Variants in NSUN6 observed in about 807,000 individuals in gnomAD.
The protein encoded by NSUN6 is NOP2/Sun RNA methyltransferase 6, also known as tRNA (cytosine(72)-C(5))-methyltransferase NSUN6.
Under a neutral mutation model 58.0 loss-of-function variants are expected in NSUN6, and 64 were observed. The observed-to-expected ratio is 1.10, with a 90% CI of 0.90 to 1.36. The LOEUF (loss-of-function observed/expected upper bound fraction) is 1.36, where lower values mean the gene tolerates loss of function less well. Ranked by LOEUF, NSUN6 falls within the 40% of genes most tolerant of loss-of-function variation. The pLI, the probability that NSUN6 is intolerant of heterozygous loss-of-function variation, is 0.00. For synonymous variants in NSUN6, 231 were observed against 193.9 expected (o/e 1.19, Z -1.59); for missense variants, 701 against 550.1 (o/e 1.27, Z -2.74).
chr10:18,608,285 C>CA (rs1476946372), intron 6 of NSUN6, among the ~76,000 whole-genome samples: 1 of 151,548 alleles, frequency 6.6e-6, no homozygotes, highest in Non-Finnish European at 1.5e-5. Context: ...CTATAGATAG[C>CA]AAAAAAGTGT....
intron 3 of NSUN6, among the ~76,000 whole-genome samples, chr10:18,626,659 T>G (rs959223552): frequency 6.6e-6 from 1 of 152,044 alleles, no homozygotes; most frequent in African/African-American, 2.4e-5. Flanking sequence ...TTCCATATAC[T>G]CAGGAGGCTG....
chr10:18,628,944 C>G (rs897469220), intron 3 of NSUN6, among the ~76,000 whole-genome samples: 13 of 152,068 alleles, frequency 8.5e-5, no homozygotes, highest in African/African-American at 3.1e-4. Flanking sequence ...CTCCAAGACA[C>G]ATAATTGTCA....
chr10:18,586,897 T>C (rs949861729), intron 7 of NSUN6, among the ~76,000 whole-genome samples: 9 of 152,130 alleles, frequency 5.9e-5, no homozygotes, highest in African/African-American at 1.9e-4. Flanking sequence ...GATTGGTGCA[T>C]TTACAATCCT....
chr10:18,590,567 C>T (rs1284851818), intron 7 of NSUN6, among the ~76,000 whole-genome samples: 2 of 152,220 alleles, frequency 1.3e-5, no homozygotes, highest in Non-Finnish European at 2.9e-5. Context: ...TCTCAGACCA[C>T]AGTGCAATCA....
intron 5 of NSUN6, among the ~76,000 whole-genome samples, chr10:18,610,329 C>G (rs1291614318): frequency 6.6e-6 from 1 of 151,790 alleles, no homozygotes; most frequent in Non-Finnish European, 1.5e-5. Context: ...GCCTGGGCGT[C>G]AAGAGTGAAA....
intron 6 of NSUN6, among the ~76,000 whole-genome samples, chr10:18,608,895 G>A (rs1380645554): frequency 6.6e-6 from 1 of 152,030 alleles, no homozygotes; most frequent in Non-Finnish European, 1.5e-5. Context: ...TGTATGTTAG[G>A]TTATATATCC....
In NSUN6 at chr10:18,630,878, A is replaced by C. The variant is rs575657126; in HGVS notation, c.311+11598T>G. Among the ~76,000 whole-genome samples the C allele has an allele frequency of 1.0e-3, 159 of 152,204 alleles. 3 individuals are homozygous for C. The highest frequency in any genetic ancestry group is 9.4e-3 in the Admixed American group (143 of 15,290). On this transcript the variant is annotated intron_variant, in intron 3 of 10. Coordinates refer to ENST00000377304, the MANE Select transcript of NSUN6 (RefSeq NM_182543.5). ...AAACTATTCCAATCAATAGAAAAAG[A>C]GGGAATCCTCCCTAACTCATTTTAT...
At chr10:18,640,349 C>A (rs2059354087) in intron 3 of NSUN6, among the ~76,000 whole-genome samples, 1 of 152,104 alleles carries the variant, frequency 6.6e-6, no homozygotes, top group Admixed American at 6.6e-5. Context: ...TACTTATGTA[C>A]AACTCTAATT....
chr10:18,648,531 C>G lies in NSUN6; in HGVS notation c.190G>C (p.Val64Leu). The change falls in exon 2 of 11, where the codon GTA becomes CTA. Residue 64 changes from valine to leucine, a missense_variant. Val to Leu is a conservative substitution (Grantham distance 32, BLOSUM62 1). Coordinates refer to ENST00000377304, the MANE Select transcript of NSUN6 (RefSeq NM_182543.5). ...TVRVNTHLAS[V>L]QHVKNLLLDE... ...AGTAACAGATTTTTCACATGTTGTA[C>G]TGAGGCTAAATGTGTATTCACTCTG... The G allele has an allele frequency of 6.2e-7, 1 of 1,608,820 alleles. No homozygotes were observed. The highest frequency in any genetic ancestry group is 8.5e-7 in the Non-Finnish European group (1 of 1,175,720).
At chr10:18,622,547 C>G (rs2058648041) in intron 3 of NSUN6, among the ~76,000 whole-genome samples, 1 of 152,190 alleles carries the variant, frequency 6.6e-6, no homozygotes, top group African/African-American at 2.4e-5. Context: ...AACCCTGTCT[C>G]TACTAAAAAT....
chr10:18,560,506 G>C (rs906495805), intron 8 of NSUN6, among the ~76,000 whole-genome samples: 5 of 150,802 alleles, frequency 3.3e-5, no homozygotes, highest in Admixed American at 1.3e-4. Flanking sequence ...GAAAGGAATA[G>C]AAAATGGAAT....
intron 6 of NSUN6, among the ~76,000 whole-genome samples, chr10:18,601,301 A>G (rs1310252653): frequency 4.6e-5 from 7 of 152,112 alleles, no homozygotes; most frequent in Admixed American, 2.6e-4. Context: ...ATTTTGAAAC[A>G]TGCCAAGCAA....
intron 6 of NSUN6, among the ~76,000 whole-genome samples, chr10:18,607,133 C>T (rs1374960518): frequency 1.3e-5 from 2 of 152,160 alleles, no homozygotes; most frequent in Admixed American, 6.6e-5. Flanking sequence ...TTAGATGATG[C>T]CTCTCACATG....
At chr10:18,571,431 CATTCCATTCCAAACCATTCTCT>C (rs1448351530) in intron 8 of NSUN6, among the ~76,000 whole-genome samples, 2 of 150,584 alleles carry the variant, frequency 1.3e-5, no homozygotes, top group East Asian at 2.0e-4. Flanking sequence ...TTCCATTCTT[CATTCCATTCCAAACCATTCTCT>C]ATTCCATTCC....
intron 8 of NSUN6, among the ~76,000 whole-genome samples, chr10:18,565,619 T>C (rs28971206): frequency 0.032 from 4,783 of 149,364 alleles, 255 homozygotes; most frequent in African/African-American, 0.11. Context: ...ATTCTCCATT[T>C]GTTACATTTT....
At chr10:18,622,766 T>G (rs1042674928) in intron 3 of NSUN6, among the ~76,000 whole-genome samples, 3 of 152,146 alleles carry the variant, frequency 2.0e-5, no homozygotes, top group African/African-American at 7.2e-5. Flanking sequence ...CCAGTCTCAT[T>G]TGGATTTCAA....
At chr10:18,566,254 C>G (rs1452109550) in intron 8 of NSUN6, among the ~76,000 whole-genome samples, 4 of 149,578 alleles carry the variant, frequency 2.7e-5, no homozygotes, top group African/African-American at 7.4e-5. Context: ...ATTCCACATT[C>G]CATTCCGTTC....
chr10:18,600,519 G>A (rs1234123461), intron 6 of NSUN6, among the ~76,000 whole-genome samples: 1 of 152,048 alleles, frequency 6.6e-6, no homozygotes, highest in Non-Finnish European at 1.5e-5. Flanking sequence ...CAGCTCCTTG[G>A]GAGGCTGAGG....
chr10:18,571,979 C>T (rs2056391863), intron 8 of NSUN6, among the ~76,000 whole-genome samples: 1 of 150,428 alleles, frequency 6.6e-6, no homozygotes, highest in Non-Finnish European at 1.5e-5. Flanking sequence ...TTCACCACTG[C>T]ATTCCATTCC....
Sources: allele counts gnomAD v4.1 joint callset (sites outside exome capture counted in the v4.1 genomes callset), GRCh38; gene constraint gnomAD v4.1.1; transcripts MANE v1.5; gene names NCBI Gene and HGNC (gene_info 2026-07-23, HGNC 2026-07-21).